Variants in MYLK2 observed in about 807,000 individuals in gnomAD.
MYLK2 encodes myosin light chain kinase 2, skeletal/cardiac muscle.
MYLK2 carries 27 observed loss-of-function variants against 58.2 expected under a neutral mutation model. The observed-to-expected ratio is 0.46, with a 90% CI of 0.34 to 0.64. MYLK2 has a LOEUF of 0.64. MYLK2 is among the 30% of genes least tolerant of loss of function. The pLI, the probability that MYLK2 is intolerant of heterozygous loss-of-function variation, is 0.01. For synonymous variants in MYLK2, 310 were observed against 296.7 expected, an observed-to-expected ratio of 1.04 and a Z score of -0.46; for missense variants, 676 against 764.3, an observed-to-expected ratio of 0.88 and a Z score of 1.36.
chr20:31,831,305 A>G (rs2123140272), intron 10 of MYLK2, among the ~76,000 whole-genome samples, 164 bp downstream of exon 10: 1 of 151,826 alleles, frequency 6.6e-6, no homozygotes, highest in South Asian at 2.1e-4. Context: ...GGAAAGGGGA[A>G]CGTGGTACCC....
At chr20:31,830,447 T>C (rs1568633992) in intron 8 of MYLK2, among the ~76,000 whole-genome samples, 1 of 152,130 alleles carries the variant, frequency 6.6e-6, no homozygotes, top group East Asian at 1.9e-4. Context: ...TATCTGGTGG[T>C]GGTCCTGCAC....
chr20:31,827,481 T>A, intron 8 of MYLK2: 1 of 985,404 alleles, frequency 1.0e-6, no homozygotes, highest in Non-Finnish European at 1.2e-6. Flanking sequence ...GTGCATGAGG[T>A]AGGCGCTAAC....
chr20:31,829,033 G>T (rs2062292960), intron 8 of MYLK2, among the ~76,000 whole-genome samples: 1 of 152,112 alleles, frequency 6.6e-6, no homozygotes, highest in African/African-American at 2.4e-5. Context: ...GAAAAGAAAG[G>T]ATCAAGGGTG....
At chr20:31,826,765 G>A (rs568997898) in intron 7 of MYLK2, 32 bp from the exon 8 acceptor site, 28 of 1,614,018 alleles carry the variant, frequency 1.7e-5, no homozygotes, top group South Asian at 1.6e-4. Flanking sequence ...CACCAGGCAC[G>A]GAGCAAGCCG....
rs760951098 is a variant in MYLK2, at chr20:31,831,972, A to G, written c.1578-32A>G. On this transcript the variant is annotated intron_variant, in intron 11 of 12. Transcript: ENST00000375985. ...AGCCCCTGGGGCCTCACGAGCATGC[A>G]GCCCACCGTCACCATGCTGCCTCTC... The G allele has an allele frequency of 6.2e-6, 10 of 1,612,458 alleles. No homozygotes were observed. The South Asian group carries it at 1.1e-4, about 18-fold the overall frequency.
intron 8 of MYLK2, chr20:31,828,443 A>G (rs2062290729): frequency 8.1e-6 from 8 of 985,206 alleles, no homozygotes; most frequent in Non-Finnish European, 9.6e-6. Flanking sequence ...TACTTTCCTT[A>G]ATTCATTCGA....
chr20:31,828,524 C>A (rs1219533562), intron 8 of MYLK2: 1 of 981,880 alleles, frequency 1.0e-6, no homozygotes, highest in Admixed American at 6.2e-5. Flanking sequence ...GAAATGGTCC[C>A]TGTCTCATGG....
At chr20:31,833,627 G>A (rs2062317846) in intron 12 of MYLK2, 90 bp from the exon 13 acceptor site, 1 of 1,162,082 alleles carries the variant, frequency 8.6e-7, no homozygotes, top group Non-Finnish European at 1.3e-6. Context: ...GACCCTCCTG[G>A]ACTGAAGGGG....
At chr20:31,829,769 C>G (rs2062296553) in intron 8 of MYLK2, among the ~76,000 whole-genome samples, 2 of 152,176 alleles carry the variant, frequency 1.3e-5, no homozygotes, top group Non-Finnish European at 2.9e-5. Flanking sequence ...TGCCTTTGAA[C>G]CATTGTTAAC....
chr20:31,822,453 G>A (rs572359159), intron 4 of MYLK2, among the ~76,000 whole-genome samples: 15 of 152,192 alleles, frequency 9.9e-5, no homozygotes, highest in Non-Finnish European at 1.9e-4. Flanking sequence ...AGGAAGCTGG[G>A]CATGTGCAAT....
At position 31,823,470 on chromosome 20, in the gene MYLK2, C is replaced by T. The variant is rs760391320; in HGVS notation, c.773-7C>T. ...ACTGACCATGAGGGCTGTGCTCTGTCCCCCAGATGATTGCCCGCCACCTCC... is the reference window on the plus strand; with the variant it reads ...ACTGACCATGAGGGCTGTGCTCTGTTCCCCAGATGATTGCCCGCCACCTCC... On this transcript the variant is annotated splice_polypyrimidine_tract_variant and splice_region_variant and intron_variant, in intron 4 of 12. Coordinates refer to ENST00000375985, the MANE Select transcript of MYLK2 (RefSeq NM_033118.4). 6 of 1,610,720 alleles carry T rather than the reference C, an allele frequency of 3.7e-6. No homozygotes were observed. Among genetic ancestry groups the T allele is most frequent in the Admixed American group, 1.7e-5 (1 of 60,004 alleles).
chr20:31,828,986 A>G (rs1379263463), intron 8 of MYLK2, among the ~76,000 whole-genome samples: 1 of 152,152 alleles, frequency 6.6e-6, no homozygotes, highest in Non-Finnish European at 1.5e-5. Context: ...AATAGAGCCA[A>G]TCTGATGTGC....
Position 31,827,605 on chromosome 20 carries a change from G to C in MYLK2, c.1224+667G>C, listed in dbSNP as rs1463978843. On this transcript the variant is annotated intron_variant, in intron 8 of 12. Coordinates refer to ENST00000375985, the MANE Select transcript of MYLK2 (RefSeq NM_033118.4). ...GCTATCTTGGCTCACTGCAACCTCC[G>C]CCTCCTGGGTTCAAGCGATTCTCCT... is the stretch of plus-strand genomic sequence containing the variant. The C allele has an allele frequency of 1.2e-5, 11 of 925,260 alleles. No individual in the cohort carries two copies. The South Asian group carries it at 5.5e-4, about 46-fold the overall frequency. The allele number at this position is 925,260 out of a possible 1,614,324, so 57.3% of individuals were successfully genotyped here.
At chr20:31,825,360 C>T (rs6119729) in intron 6 of MYLK2, among the ~76,000 whole-genome samples, 42,747 of 152,042 alleles carry the variant, frequency 0.28, 7,350 homozygotes, top group African/African-American at 0.47. Context: ...TACCTACCTG[C>T]GGCTCAATTA....
At chr20:31,823,932 C>T in intron 5 of MYLK2, 1 of 985,384 alleles carries the variant, frequency 1.0e-6, no homozygotes, top group Non-Finnish European at 1.2e-6. Context: ...GATCCTCCCT[C>T]TGCCTGAAGG....
chr20:31,820,114 C>T lies in MYLK2; in HGVS notation c.53-12C>T, dbSNP rs1175023643. 6.2e-7 allele frequency: 1 copy of T among 1,613,540 alleles called. No individual in the cohort carries two copies. The highest frequency in any genetic ancestry group is 8.5e-7 in the Non-Finnish European group (1 of 1,180,000). ...AGGGTGGATCCTGATGGGTGTCTCA[C>T]CTCCTCTGCAGACAAGGCACCTAAA... On this transcript the variant is annotated splice_polypyrimidine_tract_variant and intron_variant, in intron 2 of 12. Coordinates refer to ENST00000375985, the MANE Select transcript of MYLK2 (RefSeq NM_033118.4).
intron 6 of MYLK2, among the ~76,000 whole-genome samples, chr20:31,825,960 G>A (rs1568631057): frequency 6.6e-6 from 1 of 152,222 alleles, no homozygotes; most frequent in Non-Finnish European, 1.5e-5. Context: ...ATGATTGGAT[G>A]TATAATCTAG....
chr20:31,833,763 G>A lies in MYLK2; in HGVS notation c.1757G>A (p.Ser586Asn). 6.2e-7 allele frequency: 1 copy of A among 1,613,776 alleles called. No homozygotes were observed. Among genetic ancestry groups the A allele is most frequent in the Non-Finnish European group, 8.5e-7 (1 of 1,180,012 alleles). The change falls in exon 13 of 13, where the codon AGC (serine) becomes AAC (asparagine). Residue 586 changes from serine to asparagine, a missense_variant. Ser to Asn is a conservative substitution (Grantham distance 46, BLOSUM62 1). This residue lies in a region of MYLK2 where 370 missense variants were observed against 467.8 expected (regional missense o/e 0.79). Transcript: ENST00000375985. ...VSAANRFKKI[S>N]SSGALMALGV is the part of the protein sequence containing the mutation. ...GCTGCCAACCGCTTCAAGAAGATCA[G>A]CAGCTCGGGGGCACTGATGGCTCTG...
In MYLK2 at chr20:31,834,023, C is replaced by A; in HGVS notation, c.*226C>A. ...TGGATCCATCCTGCTAGCACCTCCC[C>A]AGACAGGGCTCCAGCCTGTCGGCCA... On this transcript the variant is annotated 3_prime_UTR_variant, in exon 13 of 13. Transcript: ENST00000375985. 1 of 571,300 alleles carries A rather than the reference C, an allele frequency of 1.8e-6. No individual in the cohort carries two copies. Among genetic ancestry groups the A allele is most frequent in the Non-Finnish European group, 3.1e-6 (1 of 318,874 alleles). The allele number at this position is 571,300 out of a possible 1,614,324, so 35.4% of individuals were successfully genotyped here.
Sources: allele counts gnomAD v4.1 joint callset (sites outside exome capture counted in the v4.1 genomes callset), GRCh38; gene constraint gnomAD v4.1.1; regional missense constraint gnomAD v4.1.1; transcripts MANE v1.5; gene names NCBI Gene and HGNC (gene_info 2026-07-23, HGNC 2026-07-21).